Variants in DIP2C observed in about 807,000 individuals in gnomAD.
The protein encoded by DIP2C is DIP2 acetate--CoA ligase C (putative).
Under a neutral mutation model 192.4 loss-of-function variants are expected in DIP2C, and 33 were observed. The ratio of observed to expected loss-of-function variants is 0.17; its 90% CI spans 0.13 to 0.23. The LOEUF (loss-of-function observed/expected upper bound fraction) is 0.23. DIP2C is among the 10% of genes least tolerant of loss of function. DIP2C has a pLI of 1.00. For synonymous variants in DIP2C, 979 were observed against 864.1 expected (o/e 1.13, Z -2.33); for missense variants, 1,537 against 2,110.1 (o/e 0.73, Z 5.32).
At chr10:478,732 GAC>G (rs1333438198) in intron 2 of DIP2C, among the ~76,000 whole-genome samples, 1 of 151,644 alleles carries the variant, frequency 6.6e-6, no homozygotes, top group African/African-American at 2.4e-5. Context: ...TGGGGGTGTA[GAC>G]ACATCCAAAT....
At chr10:407,337 C>A (rs563918067) in intron 9 of DIP2C, among the ~76,000 whole-genome samples, 2 of 152,314 alleles carry the variant, frequency 1.3e-5, no homozygotes, top group South Asian at 4.1e-4. Flanking sequence ...CACATCTAGT[C>A]CGTGGATTTG....
At chr10:411,349 G>A (rs1189943638) in intron 8 of DIP2C, among the ~76,000 whole-genome samples, 1 of 152,188 alleles carries the variant, frequency 6.6e-6, no homozygotes, top group Admixed American at 6.5e-5. Context: ...ACAGCACAGC[G>A]TGACTTATTT....
rs200605723 is a variant in DIP2C, at chr10:313,565, G to A, written c.3925-3473C>T. Among the ~76,000 whole-genome samples, 8 of 152,200 alleles carry A rather than the reference G, an allele frequency of 5.3e-5. No individual in the cohort carries two copies. The South Asian group carries it at 6.2e-4, about 12-fold the overall frequency. ...TTTACACAGCATTTACATCGTATTC[G>A]GCATCACAAGTCATTAGAGATGATT... On this transcript the variant is annotated intron_variant, in intron 31 of 36. Transcript: ENST00000280886.
chr10:484,865 C>T (rs759449778), intron 2 of DIP2C: 22 of 1,611,738 alleles, frequency 1.4e-5, no homozygotes, highest in East Asian at 2.2e-5. Context: ...TCGCACACCC[C>T]GATGTGGGCA....
intron 6 of DIP2C, 115 bp downstream of exon 6, chr10:418,950 G>A: frequency 6.8e-7 from 1 of 1,470,328 alleles, no homozygotes; most frequent in Non-Finnish European, 9.1e-7. Context: ...TGATAAATTG[G>A]CTTTGTCAGA....
intron 1 of DIP2C, among the ~76,000 whole-genome samples, chr10:613,563 T>C (rs1317771005): frequency 6.6e-6 from 1 of 152,232 alleles, no homozygotes; most frequent in Non-Finnish European, 1.5e-5. Flanking sequence ...AAATATGCGA[T>C]TCCTTACCTC....
chr10:326,907 C>CTA lies in DIP2C; in HGVS notation c.3924+97_3924+98dup. The CTA allele has an allele frequency of 8.5e-6, 12 of 1,416,292 alleles. No homozygotes were observed. In the Middle Eastern group the frequency reaches 2.3e-3, roughly 269 times the overall value. The allele number at this position is 1,416,292 out of a possible 1,614,324, so 87.7% of individuals were successfully genotyped here. On this transcript the variant is annotated intron_variant, in intron 31 of 36. Transcript: ENST00000280886. ...ACTGAAAGATCTCTTCTGGATGTAG[C>CTA]TAAGCATCAGCCGAGGGAGACGAGT... is the stretch of plus-strand genomic sequence containing the variant.
chr10:444,275 G>A (rs763502365), intron 3 of DIP2C, among the ~76,000 whole-genome samples: 7 of 150,966 alleles, frequency 4.6e-5, no homozygotes, highest in African/African-American at 7.4e-5. Flanking sequence ...GACAGCCACC[G>A]TTCATTCATG....
chr10:598,386 G>C (rs142411573), intron 1 of DIP2C, among the ~76,000 whole-genome samples: 3 of 152,362 alleles, frequency 2.0e-5, no homozygotes, highest in African/African-American at 7.2e-5. Flanking sequence ...TCAAATCAAT[G>C]AAGAATCACA....
intron 26 of DIP2C, among the ~76,000 whole-genome samples, 184 bp downstream of exon 26, chr10:348,457 T>A (rs536430087): frequency 1.7e-4 from 26 of 152,254 alleles, no homozygotes; most frequent in African/African-American, 6.0e-4. Flanking sequence ...CACGTTTACA[T>A]CTCGCTTCTA....
intron 2 of DIP2C, among the ~76,000 whole-genome samples, chr10:473,517 G>A (rs534645886): frequency 3.4e-5 from 5 of 145,370 alleles, no homozygotes; most frequent in East Asian, 2.0e-4. Context: ...CCACAGCTCC[G>A]TGAACGGCTC....
At chr10:302,252 G>A (rs1314997599) in intron 32 of DIP2C, among the ~76,000 whole-genome samples, 1 of 152,098 alleles carries the variant, frequency 6.6e-6, no homozygotes, top group Non-Finnish European at 1.5e-5. Context: ...TCCTCCTAAT[G>A]ACTCTAGGAG....
chr10:406,790 G>A (rs1473254850), intron 9 of DIP2C, among the ~76,000 whole-genome samples: 1 of 152,088 alleles, frequency 6.6e-6, no homozygotes, highest in Non-Finnish European at 1.5e-5. Context: ...AATCTCCCCA[G>A]ATTGCTCCTG....
intron 28 of DIP2C, among the ~76,000 whole-genome samples, chr10:342,452 C>G (rs1958201893): frequency 6.6e-6 from 1 of 152,222 alleles, no homozygotes; most frequent in Non-Finnish European, 1.5e-5. Context: ...GACACCGCGC[C>G]TGGCCTCGTG....
chr10:569,291 C>CAA (rs376229658), intron 1 of DIP2C, among the ~76,000 whole-genome samples: 9 of 152,312 alleles, frequency 5.9e-5, no homozygotes, highest in African/African-American at 1.9e-4. Flanking sequence ...CATTGATTCT[C>CAA]AAGCATGCCA....
chr10:593,012 T>C (rs1851491115), intron 1 of DIP2C, among the ~76,000 whole-genome samples: 1 of 152,186 alleles, frequency 6.6e-6, no homozygotes, highest in African/African-American at 2.4e-5. Context: ...GCCATAAAAC[T>C]GGTTTTAAAA....
intron 31 of DIP2C, among the ~76,000 whole-genome samples, chr10:326,107 G>A (rs1485520025): frequency 2.0e-5 from 3 of 152,122 alleles, no homozygotes; most frequent in Non-Finnish European, 4.4e-5. Context: ...CTTGAGCCTG[G>A]GAGCGGGGGG....
intron 7 of DIP2C, 51 bp from the exon 8 acceptor site, chr10:414,161 A>G: frequency 8.4e-6 from 13 of 1,547,220 alleles, no homozygotes; most frequent in South Asian, 1.2e-5. Flanking sequence ...CCACATTAGC[A>G]TGGCTACTTT....
rs1349897461 is a variant in DIP2C at position 293,780 on chromosome 10, A to C, written c.3987-5359T>G. Among the ~76,000 whole-genome samples the C allele has an allele frequency of 2.0e-5, 3 of 152,284 alleles. No homozygotes were observed. The South Asian group carries it at 6.2e-4, about 32-fold the overall frequency. ...CATGTTCACACATCCAAAACCACAA[A>C]CAAAACCAAAAACAAATGCACTATT... On this transcript the variant is annotated intron_variant, in intron 32 of 36. Transcript: ENST00000280886.
Sources: allele counts gnomAD v4.1 joint callset (sites outside exome capture counted in the v4.1 genomes callset), GRCh38; gene constraint gnomAD v4.1.1; transcripts MANE v1.5; gene names NCBI Gene and HGNC (gene_info 2026-07-23, HGNC 2026-07-21).